Variants in FLT4 observed in about 807,000 individuals in gnomAD.
FLT4 encodes vascular endothelial growth factor receptor 3.
A neutral mutation model predicts 163.2 loss-of-function variants in FLT4; 30 were observed. The observed-to-expected ratio is 0.18, with a 90% confidence interval of 0.14 to 0.25. The LOEUF is 0.25. Ranked by LOEUF, FLT4 falls within the 10% of genes least tolerant of loss-of-function variation. The pLI is 1.00. For missense variants in FLT4, 1,510 were observed against 1,863.8 expected, an observed-to-expected ratio of 0.81 and a Z score of 3.50; for synonymous variants, 884 against 789.5, an observed-to-expected ratio of 1.12 and a Z score of -2.01.
chr5:180,631,351 T>C (rs979489265), intron 2 of FLT4, among the ~76,000 whole-genome samples: 3 of 152,028 alleles, frequency 2.0e-5, no homozygotes, highest in South Asian at 2.1e-4. Context: ...CGGGCACCTG[T>C]AGTCCCAGCT....
At chr5:180,629,913 GT>G in intron 5 of FLT4, 29 bp downstream of exon 5, 1 of 1,612,506 alleles carries the variant, frequency 6.2e-7, no homozygotes, top group Non-Finnish European at 8.5e-7. Context: ...TGACAGCCCC[GT>G]TACTGGGAAC....
In FLT4 at chr5:180,613,031, C is replaced by T. The variant is rs1196765706; in HGVS notation, c.3411G>A (p.Pro1137=). ...CTCACATGGCGGGAGTGGCCAGCTCCGGGGCCCTCATCCTTGTGCCGTCTC... is the reference window on the plus strand; with the variant it reads ...CTCACATGGCGGGAGTGGCCAGCTCTGGGGCCCTCATCCTTGTGCCGTCTC... ...RLRDGTRMRA[P]ELATPAIRRI... is the part of the protein sequence containing the mutation. Residue 1137 remains proline (P), a synonymous_variant, in exon 25 of 30, where the codon CCG becomes CCA. Coordinates refer to ENST00000261937, the MANE Select transcript of FLT4 (RefSeq NM_182925.5). 19 of 1,613,012 alleles carry T rather than the reference C, an allele frequency of 1.2e-5. No individual in the cohort carries two copies. The highest frequency in any genetic ancestry group is 1.3e-5 in the African/African-American group (1 of 74,884).
chr5:180,632,898 G>C (rs1455686828), intron 1 of FLT4, among the ~76,000 whole-genome samples: 1 of 152,100 alleles, frequency 6.6e-6, no homozygotes, highest in Non-Finnish European at 1.5e-5. Context: ...GAGACAACAG[G>C]AAGGGAGGGC....
rs1761566232 is a variant in FLT4 at position 180,602,512 on chromosome 5, AG to A, written c.*679del. On this transcript the variant is annotated 3_prime_UTR_variant, in exon 30 of 30. Transcript: ENST00000261937. ...ACAGTCTGTGAAGTTCTGTTGAAAAAGACTTGCAGGATGGCTCTCAACACCC... is the reference window on the plus strand; with the variant it reads ...ACAGTCTGTGAAGTTCTGTTGAAAAAACTTGCAGGATGGCTCTCAACACCC... 1 of 398,398 alleles carries A rather than the reference AG, an allele frequency of 2.5e-6. No homozygotes were observed. The highest frequency in any genetic ancestry group is 4.4e-6 in the Non-Finnish European group (1 of 226,374). 24.7% of individuals were successfully genotyped at this position (398,398 alleles called of 1,614,324 possible).
At chr5:180,619,568 G>T in intron 18 of FLT4, 97 bp downstream of exon 18, 2 of 1,091,164 alleles carry the variant, frequency 1.8e-6, no homozygotes, top group Non-Finnish European at 2.8e-6. Flanking sequence ...CTGGCTTCCA[G>T]CCTCAGTCTC....
At chr5:180,629,029 C>T (rs1763873253) in intron 7 of FLT4, 30 bp from the exon 8 acceptor site, 4 of 1,579,308 alleles carry the variant, frequency 2.5e-6, no homozygotes, top group Non-Finnish European at 3.5e-6. Flanking sequence ...ACTGTAAATC[C>T]AGGACTGACC....
chr5:180,640,989 G>A (rs1383214777), intron 1 of FLT4, among the ~76,000 whole-genome samples: 2 of 152,192 alleles, frequency 1.3e-5, no homozygotes, highest in African/African-American at 4.8e-5. Context: ...GTGCAGAGGT[G>A]AAGGGGCCGG....
intron 13 of FLT4, 133 bp from the exon 14 acceptor site, chr5:180,621,385 C>G: frequency 7.2e-7 from 1 of 1,392,632 alleles, no homozygotes; most frequent in Non-Finnish European, 9.7e-7. Flanking sequence ...AGGAGCGCGG[C>G]GCGCCTCCGC....
At chr5:180,632,767 C>T (rs746939736) in intron 1 of FLT4, among the ~76,000 whole-genome samples, 2 of 152,268 alleles carry the variant, frequency 1.3e-5, no homozygotes, top group East Asian at 3.9e-4. Flanking sequence ...GTATCTCGGA[C>T]ATGCTGGCGT....
intron 1 of FLT4, among the ~76,000 whole-genome samples, chr5:180,644,163 G>A (rs10516142): frequency 0.044 from 6,715 of 152,194 alleles, 216 homozygotes; most frequent in South Asian, 0.11. Context: ...GTGTCTTTTC[G>A]TCGTGGCATA....
chr5:180,610,192 T>C (rs1762062625), intron 27 of FLT4, among the ~76,000 whole-genome samples, 167 bp from the exon 28 acceptor site: 1 of 152,232 alleles, frequency 6.6e-6, no homozygotes, highest in Non-Finnish European at 1.5e-5. Flanking sequence ...TCCGTGTGCC[T>C]GGCCTCAGAT....
chr5:180,616,710 T>C (rs1422192399), intron 22 of FLT4, among the ~76,000 whole-genome samples, 190 bp downstream of exon 22: 1 of 152,194 alleles, frequency 6.6e-6, no homozygotes, highest in Admixed American at 6.5e-5. Flanking sequence ...AAACAGACTC[T>C]GCTGCTGACC....
chr5:180,618,510 G>A (rs1466320796), intron 21 of FLT4, among the ~76,000 whole-genome samples: 1 of 152,200 alleles, frequency 6.6e-6, no homozygotes. Context: ...GTTGCTCTGT[G>A]GGGGCCGGGC....
intron 29 of FLT4, among the ~76,000 whole-genome samples, 195 bp from the exon 30 acceptor site, chr5:180,603,585 G>A (rs1472369309): frequency 6.6e-6 from 1 of 152,160 alleles, no homozygotes; most frequent in African/African-American, 2.4e-5. Flanking sequence ...GGTGGTGCAC[G>A]CCTGCGGTCC....
chr5:180,619,972 A>C (rs1191832945), intron 17 of FLT4, among the ~76,000 whole-genome samples: 1 of 152,196 alleles, frequency 6.6e-6, no homozygotes, highest in Non-Finnish European at 1.5e-5. Context: ...CACCCTGCTC[A>C]GGGTGGCAGC....
At chr5:180,625,247 G>A (rs79524997) in intron 10 of FLT4, among the ~76,000 whole-genome samples, 2,339 of 152,318 alleles carry the variant, frequency 0.015, 61 homozygotes, top group African/African-American at 0.051. Flanking sequence ...CCACCTGGGC[G>A]TCCTCCTCTC....
At chr5:180,614,343 CT>C (rs1231694467) in intron 23 of FLT4, among the ~76,000 whole-genome samples, 164 bp from the exon 24 acceptor site, 1 of 138,782 alleles carries the variant, frequency 7.2e-6, no homozygotes, top group African/African-American at 2.6e-5. Context: ...AGGCCAGATG[CT>C]CTGGCACCCC....
chr5:180,622,817 T>A lies in FLT4; in HGVS notation c.1571A>T (p.Gln524Leu), dbSNP rs1165529297. 1 of 1,613,276 alleles carries A rather than the reference T, an allele frequency of 6.2e-7. No individual in the cohort carries two copies. Among genetic ancestry groups the A allele is most frequent in the Non-Finnish European group, 8.5e-7 (1 of 1,179,714 alleles). Residue 524 changes from glutamine to leucine, a missense_variant, in exon 12 of 30, where the codon CAG (glutamine) becomes CTG (leucine). Coordinates refer to ENST00000261937, the MANE Select transcript of FLT4 (RefSeq NM_182925.5). ...KNKTVSKLVI[Q>L]NANVSAMYKC... ...GTACATGGCAGACACGTTGGCATTC[T>A]GGATCACCAGCTTGCTCACAGTCTG...
In FLT4 at chr5:180,623,824, G is replaced by T; in HGVS notation, c.1548+111C>A. On this transcript the variant is annotated intron_variant, in intron 11 of 29. Coordinates refer to ENST00000261937, the MANE Select transcript of FLT4 (RefSeq NM_182925.5). This position sits in a 1 kb window ranked among gnomAD's most constrained non-coding sequence, Gnocchi z 5.8. ...ACTGCAGGAAGGTCACCCGCTCTCGGCTGCTCTGCCCAGCACTCTGGAAGC... is the reference window on the plus strand; with the variant it reads ...ACTGCAGGAAGGTCACCCGCTCTCGTCTGCTCTGCCCAGCACTCTGGAAGC... The T allele has an allele frequency of 1.4e-6, 2 of 1,420,824 alleles. No homozygotes were observed. Among genetic ancestry groups the T allele is most frequent in the East Asian group, 2.3e-5 (1 of 43,878 alleles). 88.0% of individuals were successfully genotyped at this position (1,420,824 alleles called of 1,614,324 possible). A position where few individuals can be genotyped will look rare whatever the true frequency, so the allele number is the denominator to read the frequency against.
Sources: allele counts gnomAD v4.1 joint callset (sites outside exome capture counted in the v4.1 genomes callset), GRCh38; gene constraint gnomAD v4.1.1; non-coding constraint Gnocchi (gnomAD v3.1); transcripts MANE v1.5; gene names NCBI Gene and HGNC (gene_info 2026-07-23, HGNC 2026-07-21).